TBX5: variants seen among roughly 807,000 people sequenced by gnomAD.
The protein encoded by TBX5 is T-box transcription factor TBX5.
TBX5 carries 8 observed loss-of-function variants against 51.1 expected under a neutral mutation model. That is an observed-to-expected ratio of 0.16 (90% CI 0.09 to 0.28). The LOEUF (loss-of-function observed/expected upper bound fraction) is 0.28. Among genes scored for constraint, TBX5 ranks in the 10% least tolerant of loss-of-function variants. TBX5 has a pLI of 1.00. For missense variants in TBX5, 589 were observed against 671.7 expected, an observed-to-expected ratio of 0.88 and a Z score of 1.36; for synonymous variants, 302 against 266.4, an observed-to-expected ratio of 1.13 and a Z score of -1.30.
rs753047224 is a variant in TBX5 at position 114,398,580 on chromosome 12, A to G, written c.503T>C (p.Phe168Ser). The change falls in exon 5 of 9, where the codon TTT becomes TCT. Residue 168 changes from phenylalanine to serine, a missense_variant. Physicochemically the swap from Phe to Ser is radical, Grantham distance 155 (BLOSUM62 -2). Transcript: ENST00000405440. ...CCAGGCCACGGTACTCACATGCCCA[A>G]ATGGGTCCAGGTGGTTGTTGGTGAG... ...LKLTNNHLDP[F>S]GHIILNSMHK... The G allele has an allele frequency of 1.1e-5, 17 of 1,613,242 alleles. No individual in the cohort carries two copies. The highest frequency in any genetic ancestry group is 4.0e-5 in the African/African-American group (3 of 74,930).
chr12:114,404,774 A>G (rs1236718569), intron 1 of TBX5, among the ~76,000 whole-genome samples: 9 of 152,104 alleles, frequency 5.9e-5, no homozygotes, highest in Admixed American at 6.5e-5. Context: ...CCAGGCCGAA[A>G]GGGGTTTCTC....
In TBX5 at chr12:114,372,969, AATATATATAC is replaced by A. The variant is rs150505518; in HGVS notation, c.756-6588_756-6579del. On this transcript the variant is annotated intron_variant, in intron 7 of 8. Transcript: ENST00000405440. ...AAATGATGCATGGAAAGGCTTAGCG[AATATATATAC>A]ATACACACACACACACACACACACA... Among the ~76,000 whole-genome samples the A allele has an allele frequency of 1.8e-3, 230 of 129,348 alleles. 3 individuals carry two copies. In the East Asian group the frequency reaches 0.029, roughly 16 times the overall value. 84.9% of individuals were successfully genotyped at this position (129,348 alleles called of 152,430 possible).
In TBX5 at chr12:114,355,372, T is replaced by C. The variant is rs1212038667; in HGVS notation, c.*160A>G. On this transcript the variant is annotated 3_prime_UTR_variant, in exon 9 of 9. Coordinates refer to ENST00000405440, the MANE Select transcript of TBX5 (RefSeq NM_181486.4). ...AAAATTGTGGTTTCAAGCTACTGAT[T>C]AGATCAGCATCCAGCGACCTTGAGT... 20 of 881,280 alleles carry C rather than the reference T, an allele frequency of 2.3e-5. No individual in the cohort carries two copies. Among genetic ancestry groups the C allele is most frequent in the Non-Finnish European group, 3.3e-5 (18 of 548,932 alleles). 54.6% of individuals were successfully genotyped at this position (881,280 alleles called of 1,614,324 possible).
intron 7 of TBX5, among the ~76,000 whole-genome samples, chr12:114,366,893 A>G (rs771591559): frequency 6.6e-6 from 1 of 152,194 alleles, no homozygotes; most frequent in Non-Finnish European, 1.5e-5. Context: ...AGTTACTCTC[A>G]TCTGGATAGA....
In TBX5 at chr12:114,355,109, T is replaced by G; in HGVS notation, c.*423A>C. The G allele has an allele frequency of 1.0e-5, 2 of 199,524 alleles. No individual in the cohort carries two copies. The highest frequency in any genetic ancestry group is 2.4e-4 in the East Asian group (2 of 8,202). The allele number at this position is 199,524 out of a possible 1,614,324, so 12.4% of individuals were successfully genotyped here. A position where few individuals can be genotyped will look rare whatever the true frequency, so the allele number is the denominator to read the frequency against. On this transcript the variant is annotated 3_prime_UTR_variant, in exon 9 of 9. Transcript: ENST00000405440. ...TTGAAAGAAAAAAATATATTATCAT[T>G]TATTATATAACAATGTCAACATTAA...
At chr12:114,365,875 C>A (rs956538106) in intron 8 of TBX5, among the ~76,000 whole-genome samples, 2 of 150,428 alleles carry the variant, frequency 1.3e-5, no homozygotes, top group African/African-American at 4.9e-5. Flanking sequence ...AAATCTAGTT[C>A]TTTCTCTGCA....
intron 7 of TBX5, among the ~76,000 whole-genome samples, chr12:114,376,874 G>A (rs1404994593): frequency 1.4e-5 from 2 of 147,336 alleles, no homozygotes; most frequent in African/African-American, 5.0e-5. Context: ...CCCTGTTCCT[G>A]AATAGCAGAT....
intron 7 of TBX5, among the ~76,000 whole-genome samples, chr12:114,370,267 AGAAAAGAAAAG>A (rs1869791981): frequency 7.1e-6 from 1 of 141,004 alleles, no homozygotes; most frequent in Non-Finnish European, 1.5e-5. Flanking sequence ...AGAAAAGAAA[AGAAAAGAAAAG>A]AAAAGAAAAG....
At chr12:114,368,189 T>A (rs116107366) in intron 7 of TBX5, among the ~76,000 whole-genome samples, 2,773 of 152,296 alleles carry the variant, frequency 0.018, 74 homozygotes, top group African/African-American at 0.062. Flanking sequence ...TTTAATGCAA[T>A]TAAGACGAAT....
chr12:114,362,642 T>C (rs983179611), intron 8 of TBX5, among the ~76,000 whole-genome samples: 1 of 152,164 alleles, frequency 6.6e-6, no homozygotes, highest in Non-Finnish European at 1.5e-5. Context: ...ATCTCCTTTA[T>C]AGCATTCAAT....
chr12:114,358,642 G>A (rs1311493908), intron 8 of TBX5, among the ~76,000 whole-genome samples: 2 of 151,622 alleles, frequency 1.3e-5, no homozygotes, highest in Admixed American at 1.3e-4. Context: ...AAAAAAATTT[G>A]TACCAAAAAT....
Position 114,401,933 on chromosome 12 carries a change from G to GA in TBX5, c.148-14dup. Reference sequence around the variant, plus strand: ...TTCCCTCCATGCCCTGCAAGAAGGAGAAAAAAGTCACACTAACAAGCCCTG... The same window carrying GA: ...TTCCCTCCATGCCCTGCAAGAAGGAGAAAAAAAGTCACACTAACAAGCCCTG... On this transcript the variant is annotated splice_polypyrimidine_tract_variant and intron_variant, in intron 2 of 8. Transcript: ENST00000405440. 6 of 1,613,154 alleles carry GA rather than the reference G, an allele frequency of 3.7e-6. No homozygotes were observed. The highest frequency in any genetic ancestry group is 5.1e-6 in the Non-Finnish European group (6 of 1,179,160).
intron 7 of TBX5, among the ~76,000 whole-genome samples, chr12:114,370,146 A>G (rs1869774619): frequency 6.6e-6 from 1 of 151,692 alleles, no homozygotes; most frequent in African/African-American, 2.4e-5. Context: ...TAGGACAATC[A>G]CTTGAACCTG....
chr12:114,393,204 G>A (rs1871252228), intron 6 of TBX5, among the ~76,000 whole-genome samples: 1 of 152,106 alleles, frequency 6.6e-6, no homozygotes, highest in South Asian at 2.1e-4. Context: ...GGCCTCTCCT[G>A]TCCAGTCCCC....
chr12:114,400,305 C>T (rs373708750), intron 3 of TBX5, among the ~76,000 whole-genome samples: 27 of 152,370 alleles, frequency 1.8e-4, no homozygotes, highest in African/African-American at 6.0e-4. Context: ...GTCGAAATTC[C>T]TTGGCCTTCA....
chr12:114,405,734 G>T lies in TBX5; in HGVS notation c.-145C>A, dbSNP rs1388388857. 1.0e-6 allele frequency: 1 copy of T among 985,456 alleles called. No individual in the cohort carries two copies. The highest frequency in any genetic ancestry group is 1.7e-5 in the African/African-American group (1 of 57,234). The allele number at this position is 985,456 out of a possible 1,614,324, so 61.0% of individuals were successfully genotyped here. On this transcript the variant is annotated 5_prime_UTR_variant, in exon 1 of 9. Coordinates refer to ENST00000405440, the MANE Select transcript of TBX5 (RefSeq NM_181486.4). The stretch of plus-strand genomic sequence containing the variant: ...ATGGTGGCTCCGGGGTTTATGCGGG[G>T]TTTACTGCTTACCCAGAATAGCGGC...
intron 6 of TBX5, among the ~76,000 whole-genome samples, chr12:114,393,807 GT>G (rs1395837385): frequency 6.6e-6 from 1 of 152,202 alleles, no homozygotes; most frequent in Non-Finnish European, 1.5e-5. Flanking sequence ...TCACCAAGCT[GT>G]GGTTCTGCAG....
intron 3 of TBX5, among the ~76,000 whole-genome samples, chr12:114,400,336 T>C (rs746327763): frequency 6.6e-5 from 10 of 152,214 alleles, no homozygotes; most frequent in Non-Finnish European, 1.3e-4. Flanking sequence ...TCCAGACCCT[T>C]CCAGATCTGG....
intron 3 of TBX5, among the ~76,000 whole-genome samples, 187 bp downstream of exon 3, chr12:114,401,639 T>C (rs1871815859): frequency 6.6e-6 from 1 of 152,202 alleles, no homozygotes; most frequent in Non-Finnish European, 1.5e-5. Flanking sequence ...TGGAGGAATC[T>C]CCTTGTGCCT....
Sources: gnomAD v4.1 joint callset for allele counts (sites outside exome capture counted in the v4.1 genomes callset) on GRCh38, gnomAD v4.1.1 for gene constraint, MANE v1.5 for transcripts, NCBI Gene and HGNC (gene_info 2026-07-23, HGNC 2026-07-21) for gene names.